The following NELL2 variants were observed in gnomAD, a reference collection of about 807,000 sequenced individuals.
The protein encoded by NELL2 is neural EGFL like 2, also known as protein kinase C-binding protein NELL2.
A neutral mutation model predicts 109.6 loss-of-function variants in NELL2; 41 were observed. That is an observed-to-expected ratio of 0.37 (90% CI 0.29 to 0.49). The LOEUF (loss-of-function observed/expected upper bound fraction) is 0.49. NELL2 is among the 20% of genes least tolerant of loss of function. NELL2 has a pLI of 0.98. For missense variants in NELL2, 900 were observed against 1,008.3 expected (o/e 0.89, Z 1.45); for synonymous variants, 355 against 344.7 (o/e 1.03, Z -0.33).
chr12:44,546,965 A>T (rs368332661), intron 15 of NELL2, among the ~76,000 whole-genome samples: 3 of 152,334 alleles, frequency 2.0e-5, no homozygotes, highest in East Asian at 3.9e-4. Context: ...TATCTTTTGC[A>T]TCTAATTTCC....
chr12:44,905,647 T>C (rs1945711256), intron 1 of NELL2, among the ~76,000 whole-genome samples: 3 of 152,128 alleles, frequency 2.0e-5, no homozygotes, highest in South Asian at 2.1e-4. Flanking sequence ...TCCCAAATTA[T>C]TTTTTAAGAT....
rs766240570 is a variant in NELL2 at position 44,777,331 on chromosome 12, G to GA, written c.607-18dup. The GA allele has an allele frequency of 1.8e-5, 29 of 1,594,986 alleles. No homozygotes were observed. Among genetic ancestry groups the GA allele is most frequent in the Middle Eastern group, 1.7e-4 (1 of 5,990 alleles). Reference sequence around the variant, plus strand: ...CATTATACCCTGTGTGTGAAAAATAGAAAAAAAAGACATATTACTTTCATT... The same window carrying GA: ...CATTATACCCTGTGTGTGAAAAATAGAAAAAAAAAGACATATTACTTTCATT... On this transcript the variant is annotated splice_polypyrimidine_tract_variant and intron_variant, in intron 5 of 19. Transcript: ENST00000429094.
At chr12:44,887,719 A>T (rs1945490704) in intron 1 of NELL2, among the ~76,000 whole-genome samples, 1 of 151,330 alleles carries the variant, frequency 6.6e-6, no homozygotes, top group Admixed American at 6.6e-5. Flanking sequence ...AGCTCCTTAT[A>T]TTCTGGTTAT....
At chr12:44,799,061 T>A (rs939813670) in intron 3 of NELL2, among the ~76,000 whole-genome samples, 1 of 146,242 alleles carries the variant, frequency 6.8e-6, no homozygotes, top group Admixed American at 7.1e-5. Flanking sequence ...CGGGTTCAAG[T>A]GATTCTCTTG....
chr12:44,837,073 C>G (rs1944075343), intron 2 of NELL2, among the ~76,000 whole-genome samples: 1 of 152,086 alleles, frequency 6.6e-6, no homozygotes, highest in Non-Finnish European at 1.5e-5. Context: ...GTGCCTGGCA[C>G]ATAGTGAGCA....
At chr12:44,681,279 GTT>G (rs11332038) in intron 12 of NELL2, among the ~76,000 whole-genome samples, 3 of 138,700 alleles carry the variant, frequency 2.2e-5, no homozygotes, top group African/African-American at 7.8e-5. Flanking sequence ...GACTAGTTTT[GTT>G]TTTTTTTTAA....
At chr12:44,543,889 T>C (rs1266728346) in intron 15 of NELL2, among the ~76,000 whole-genome samples, 3 of 152,136 alleles carry the variant, frequency 2.0e-5, no homozygotes, top group Admixed American at 2.0e-4. Flanking sequence ...AAACTCCTTA[T>C]TCCTATAATA....
intron 10 of NELL2, among the ~76,000 whole-genome samples, chr12:44,714,207 G>T (rs1392524551): frequency 6.6e-6 from 1 of 151,920 alleles, no homozygotes; most frequent in Admixed American, 6.6e-5. Context: ...TCCTTCCAAA[G>T]GGAATTAGAT....
At chr12:44,597,393 A>C (rs1370742676) in intron 15 of NELL2, among the ~76,000 whole-genome samples, 1 of 152,216 alleles carries the variant, frequency 6.6e-6, no homozygotes, top group Non-Finnish European at 1.5e-5. Context: ...TCTTAAAACT[A>C]TTGGCCCAAA....
At chr12:44,840,097 T>C (rs936315374) in intron 2 of NELL2, among the ~76,000 whole-genome samples, 2 of 152,332 alleles carry the variant, frequency 1.3e-5, no homozygotes, top group Non-Finnish European at 1.5e-5. Flanking sequence ...GCAGATGCTG[T>C]GCTTTTGCCT....
rs183056176 is a variant in NELL2 at position 44,598,016 on chromosome 12, G to A, written c.1663+9153C>T. Among the ~76,000 whole-genome samples, 419 of 152,136 alleles carry A rather than the reference G, an allele frequency of 2.8e-3. 2 individuals are homozygous for A. The highest frequency in any genetic ancestry group is 5.6e-3 in the African/African-American group (231 of 41,526). On this transcript the variant is annotated intron_variant, in intron 15 of 19. Transcript: ENST00000429094. ...CTTGATCCTGTCTTTTGTCATATAA[G>A]CTACCCTCTCAAAACTGTCATTCAC...
At chr12:44,822,624 G>A (rs543968698) in intron 2 of NELL2, among the ~76,000 whole-genome samples, 2 of 152,280 alleles carry the variant, frequency 1.3e-5, no homozygotes, top group South Asian at 2.1e-4. Context: ...GAAACTTATC[G>A]ACATGCCTAT....
chr12:44,636,075 ACT>A (rs1301696430), intron 13 of NELL2, among the ~76,000 whole-genome samples: 1 of 151,008 alleles, frequency 6.6e-6, no homozygotes, highest in Non-Finnish European at 1.5e-5. Context: ...TCATGATTTG[ACT>A]CTCTGTTTGT....
intron 12 of NELL2, among the ~76,000 whole-genome samples, chr12:44,699,528 T>C (rs1463596808): frequency 6.6e-6 from 1 of 152,142 alleles, no homozygotes; most frequent in Non-Finnish European, 1.5e-5. Context: ...ATCCCTTCTT[T>C]AGCTTCAGGT....
chr12:44,574,892 T>A (rs182451854), intron 15 of NELL2, among the ~76,000 whole-genome samples: 2 of 152,350 alleles, frequency 1.3e-5, no homozygotes, highest in African/African-American at 4.8e-5. Context: ...TACTTGACAT[T>A]CCCTGTTTCT....
chr12:44,868,809 A>C (rs1470751501), intron 2 of NELL2, among the ~76,000 whole-genome samples: 4 of 152,150 alleles, frequency 2.6e-5, no homozygotes, highest in African/African-American at 7.2e-5. Context: ...TGTTCAAGAG[A>C]TCTATGGTAC....
rs572798555 is a variant in NELL2 at position 44,636,654 on chromosome 12, G to T, written c.1445-25684C>A. ...AAGCCGACTTGATCATGGTGGATAAGCTTTTTGATGTGCTGCTGGATTTGT... is the reference window on the plus strand; with the variant it reads ...AAGCCGACTTGATCATGGTGGATAATCTTTTTGATGTGCTGCTGGATTTGT... On this transcript the variant is annotated intron_variant, in intron 13 of 19. Transcript: ENST00000429094. 1.2e-4 allele frequency among the ~76,000 whole-genome samples: 18 copies of T among 152,240 alleles called. 1 individual carries two copies. In the East Asian group the frequency reaches 3.5e-3, roughly 29 times the overall value.
At chr12:44,682,544 T>G (rs927431040) in intron 12 of NELL2, among the ~76,000 whole-genome samples, 14 of 152,124 alleles carry the variant, frequency 9.2e-5, no homozygotes, top group Non-Finnish European at 1.6e-4. Flanking sequence ...GGGTTTTTAT[T>G]GTTTTAGGTC....
chr12:44,665,504 A>G lies in NELL2; in HGVS notation c.1424T>C (p.Ile475Thr), dbSNP rs774285709. 13 of 1,613,124 alleles carry G rather than the reference A, an allele frequency of 8.1e-6. No homozygotes were observed. Among genetic ancestry groups the G allele is most frequent in the Non-Finnish European group, 5.1e-6 (6 of 1,179,304 alleles). ...MCICKTGYIR[I>T]DDYSCTEHDE... ...TTTACCTGTACATGAATAATCATCA[A>G]TTCTGATGTATCCAGTTTTGCAGAT... Residue 475 changes from isoleucine (I) to threonine (T), a missense_variant, in exon 13 of 20, where the codon ATT becomes ACT. Transcript: ENST00000429094.
Sources: gnomAD v4.1 joint callset for allele counts (sites outside exome capture counted in the v4.1 genomes callset) on GRCh38, gnomAD v4.1.1 for gene constraint, MANE v1.5 for transcripts, NCBI Gene and HGNC (gene_info 2026-07-23, HGNC 2026-07-21) for gene names.